The following CTNNA2 variants were observed in gnomAD, a reference collection of about 807,000 sequenced individuals.
CTNNA2 encodes catenin alpha-2.
Under a neutral mutation model 101.0 loss-of-function variants are expected in CTNNA2, and 42 were observed. The ratio of observed to expected loss-of-function variants is 0.42; its 90% CI spans 0.32 to 0.54. CTNNA2 has a LOEUF of 0.54. Ranked by LOEUF, CTNNA2 falls within the 20% of genes least tolerant of loss-of-function variation. The pLI is 0.14. For synonymous variants in CTNNA2, 450 were observed against 456.4 expected (o/e 0.99, Z 0.18); for missense variants, 871 against 1,223.1 (o/e 0.71, Z 4.29).
intron 7 of CTNNA2, among the ~76,000 whole-genome samples, chr2:80,338,570 C>T (rs1053658491): frequency 4.6e-5 from 7 of 152,060 alleles, no homozygotes; most frequent in Non-Finnish European, 1.0e-4. Context: ...CAATGCTGAC[C>T]CTGCATTTAA....
chr2:79,607,311 A>G lies in CTNNA2; in HGVS notation c.-5-44241A>G, dbSNP rs1677958707. On this transcript the variant is annotated intron_variant, in intron 1 of 18. Transcript: ENST00000402739. ...GAGAAACAGAAAAATTTACATTATA[A>G]TCAGAAATCTTAGTGCTTAATTGAA... 1.3e-5 allele frequency among the ~76,000 whole-genome samples: 2 copies of G among 152,206 alleles called. 1 individual carries two copies. The highest frequency in any genetic ancestry group is 4.1e-4 in the South Asian group (2 of 4,836).
At chr2:79,665,442 A>G (rs146791507) in intron 2 of CTNNA2, among the ~76,000 whole-genome samples, 134 of 152,346 alleles carry the variant, frequency 8.8e-4, no homozygotes, top group Non-Finnish European at 1.6e-3. Context: ...ATGGCATATA[A>G]TAGTGATTTA....
intron 4 of CTNNA2, among the ~76,000 whole-genome samples, chr2:79,450,676 G>A (rs938710584): frequency 6.6e-5 from 10 of 152,044 alleles, no homozygotes; most frequent in African/African-American, 1.7e-4. Context: ...GGCAAGAAAT[G>A]TATAATAAAC....
chr2:80,129,574 C>T (rs1272351495), intron 7 of CTNNA2, among the ~76,000 whole-genome samples: 1 of 152,186 alleles, frequency 6.6e-6, no homozygotes, highest in Admixed American at 6.5e-5. Context: ...ACCCAATTAA[C>T]TCAGCAGTCA....
chr2:80,553,178 T>C (rs566072606), intron 11 of CTNNA2, among the ~76,000 whole-genome samples: 14 of 151,268 alleles, frequency 9.3e-5, no homozygotes, highest in African/African-American at 3.4e-4. Flanking sequence ...GAGCTGGGAT[T>C]GCGTCACTGC....
At chr2:79,233,789 T>G (rs1674524677) in intron 2 of CTNNA2, among the ~76,000 whole-genome samples, 1 of 152,064 alleles carries the variant, frequency 6.6e-6, no homozygotes, top group Non-Finnish European at 1.5e-5. Context: ...AATGAACCCT[T>G]TATCATTATG....
rs781155317 is a variant in CTNNA2 at position 80,303,785 on chromosome 2, C to A, written c.1057-89426C>A. The A allele has an allele frequency of 1.3e-6, 2 of 1,534,028 alleles. No individual in the cohort carries two copies. The highest frequency in any genetic ancestry group is 4.2e-5 in the Admixed American group (2 of 47,466). ...CACCCCCGAGGGCCTCCTCAGCAGCCAGTATAGACAGAGACCGAGCAGCAG... is the reference window on the plus strand; with the variant it reads ...CACCCCCGAGGGCCTCCTCAGCAGCAAGTATAGACAGAGACCGAGCAGCAG... On this transcript the variant is annotated intron_variant, in intron 7 of 18. Transcript: ENST00000402739. The surrounding 1 kb of genome is among the most constrained non-coding windows in gnomAD (Gnocchi z 7.7).
chr2:79,653,353 A>G lies in CTNNA2; in HGVS notation c.102+1695A>G, dbSNP rs180738968. Among the ~76,000 whole-genome samples the G allele has an allele frequency of 3.9e-5, 6 of 152,284 alleles. No individual in the cohort carries two copies. The East Asian group carries it at 1.2e-3, about 29-fold the overall frequency. Reference sequence around the variant, plus strand: ...TCCCTTTTCTGCCTGTATCAGTCCAAGCTGATGGTGTTACCACCGTTGTAG... The same window carrying G: ...TCCCTTTTCTGCCTGTATCAGTCCAGGCTGATGGTGTTACCACCGTTGTAG... On this transcript the variant is annotated intron_variant, in intron 2 of 18. Coordinates refer to ENST00000402739, the MANE Select transcript of CTNNA2 (RefSeq NM_001282597.3).
intron 12 of CTNNA2, among the ~76,000 whole-genome samples, chr2:80,573,721 CTTT>C (rs1196860723): frequency 6.6e-6 from 1 of 152,118 alleles, no homozygotes; most frequent in African/African-American, 2.4e-5. Flanking sequence ...CCACCCAAAA[CTTT>C]TTTGCATTTT....
intron 1 of CTNNA2, among the ~76,000 whole-genome samples, chr2:79,607,736 A>G (rs1677986893): frequency 6.6e-6 from 1 of 152,168 alleles, no homozygotes; most frequent in African/African-American, 2.4e-5. Flanking sequence ...ATTAAAACAC[A>G]AGATATGCAC....
At chr2:79,918,275 A>G (rs745590571) in intron 7 of CTNNA2, among the ~76,000 whole-genome samples, 1 of 152,170 alleles carries the variant, frequency 6.6e-6, no homozygotes, top group Non-Finnish European at 1.5e-5. Context: ...GGGCATTACT[A>G]GAAGAAAAGA....
rs112298640 is a variant in CTNNA2 at position 80,016,417 on chromosome 2, T to C, written c.1056+106620T>C. ...TTCTTGGCTATGGAGACGAGGAGAATAGGAACATTCTAAGCAAGCCCAGTC... is the reference window on the plus strand; with the variant it reads ...TTCTTGGCTATGGAGACGAGGAGAACAGGAACATTCTAAGCAAGCCCAGTC... On this transcript the variant is annotated intron_variant, in intron 7 of 18. Coordinates refer to ENST00000402739, the MANE Select transcript of CTNNA2 (RefSeq NM_001282597.3). Among the ~76,000 whole-genome samples, 192 of 152,030 alleles carry C rather than the reference T, an allele frequency of 1.3e-3. 5 individuals carry two copies. In the South Asian group the frequency reaches 0.037, roughly 29 times the overall value.
intron 18 of CTNNA2, among the ~76,000 whole-genome samples, chr2:80,637,734 G>T (rs540120450): frequency 1.8e-4 from 28 of 152,174 alleles, no homozygotes; most frequent in African/African-American, 6.7e-4. Context: ...TAGCTCCTAG[G>T]GCTTAGATGA....
chr2:79,700,747 G>A (rs577443927), intron 2 of CTNNA2, among the ~76,000 whole-genome samples: 1 of 152,154 alleles, frequency 6.6e-6, no homozygotes, highest in Admixed American at 6.5e-5. Flanking sequence ...TTTAGGATGT[G>A]ATATAGGGAA....
intron 10 of CTNNA2, 92 bp from the exon 11 acceptor site, chr2:80,545,815 C>G: frequency 1.5e-6 from 2 of 1,292,838 alleles, no homozygotes; most frequent in Non-Finnish European, 2.1e-6. Flanking sequence ...GTAGAACGTA[C>G]AGGGTGCATG....
At chr2:79,628,232 A>C (rs1352306638) in intron 1 of CTNNA2, among the ~76,000 whole-genome samples, 1 of 152,116 alleles carries the variant, frequency 6.6e-6, no homozygotes, top group African/African-American at 2.4e-5. Flanking sequence ...TGGGCAGATC[A>C]CTTGAGGTCA....
Position 80,449,083 on chromosome 2 carries a change from TC to T in CTNNA2, c.1290+29483del, listed in dbSNP as rs1193776355. 1.1e-4 allele frequency among the ~76,000 whole-genome samples: 17 copies of T among 152,162 alleles called. No individual in the cohort carries two copies. In the East Asian group the frequency reaches 3.1e-3, roughly 28 times the overall value. Reference sequence around the variant, plus strand: ...GAAATGTTTGATTAGCTACCCACAATCAGTAGCAGCCTGCTTAAGATATCAG... The same window carrying T: ...GAAATGTTTGATTAGCTACCCACAATAGTAGCAGCCTGCTTAAGATATCAG... On this transcript the variant is annotated intron_variant, in intron 9 of 18. Transcript: ENST00000402739.
chr2:79,211,675 T>G (rs530038598), intron 2 of CTNNA2, among the ~76,000 whole-genome samples: 1 of 152,312 alleles, frequency 6.6e-6, no homozygotes, highest in South Asian at 2.1e-4. Context: ...ATGTCATCAG[T>G]TAAGGCAGGA....
At chr2:80,545,113 A>G in intron 10 of CTNNA2, 39 bp downstream of exon 10, 1 of 1,588,626 alleles carries the variant, frequency 6.3e-7, no homozygotes, top group Non-Finnish European at 8.6e-7. Context: ...CCTGTCAGTG[A>G]CCTTCTCCAC....
Sources: allele counts gnomAD v4.1 joint callset (sites outside exome capture counted in the v4.1 genomes callset), GRCh38; gene constraint gnomAD v4.1.1; non-coding constraint Gnocchi (gnomAD v3.1); transcripts MANE v1.5; gene names NCBI Gene and HGNC (gene_info 2026-07-23, HGNC 2026-07-21).